MARCHF8: variants seen among roughly 807,000 people sequenced by gnomAD.
MARCHF8 encodes E3 ubiquitin-protein ligase MARCHF8.
In MARCHF8, 40 loss-of-function variants were observed where a neutral mutation model predicts 51.6. The ratio of observed to expected loss-of-function variants is 0.77; its 90% confidence interval spans 0.60 to 1.01. The LOEUF (loss-of-function observed/expected upper bound fraction) is 1.01. MARCHF8 is among the 50% of genes least tolerant of loss of function. MARCHF8 has a pLI of 0.00. For synonymous variants in MARCHF8, 263 were observed against 280.3 expected (o/e 0.94, Z 0.62); for missense variants, 685 against 708.6 (o/e 0.97, Z 0.38).
chr10:45,569,596 C>A (rs1305232372), intron 1 of MARCHF8, among the ~76,000 whole-genome samples: 2 of 152,042 alleles, frequency 1.3e-5, no homozygotes, highest in African/African-American at 4.8e-5. Flanking sequence ...CCTTGTTTTT[C>A]AAAGTATGAG....
At chr10:45,547,059 C>T (rs1161161248) in intron 1 of MARCHF8, among the ~76,000 whole-genome samples, 1 of 151,762 alleles carries the variant, frequency 6.6e-6, no homozygotes, top group African/African-American at 2.4e-5. Flanking sequence ...CTTGTCTCCC[C>T]ACCAAAAAAA....
intron 1 of MARCHF8, among the ~76,000 whole-genome samples, chr10:45,559,238 C>T (rs933159443): frequency 1.3e-5 from 2 of 152,278 alleles, no homozygotes; most frequent in East Asian, 1.9e-4. Context: ...GCAAACTATA[C>T]GGTGGTATGT....
chr10:45,534,340 T>C (rs2043941009), intron 1 of MARCHF8, among the ~76,000 whole-genome samples: 1 of 152,174 alleles, frequency 6.6e-6, no homozygotes, highest in Non-Finnish European at 1.5e-5. Context: ...CTAGGGAATA[T>C]GAAGGGTCAC....
At chr10:45,492,530 C>T (rs1007028838) in intron 2 of MARCHF8, among the ~76,000 whole-genome samples, 2 of 152,184 alleles carry the variant, frequency 1.3e-5, no homozygotes, top group Non-Finnish European at 2.9e-5. Context: ...ATCTCCTGAC[C>T]TCGTGATCTG....
upstream of MARCHF8, among the ~76,000 whole-genome samples, chr10:45,536,199 T>TG (rs1375567087): frequency 6.6e-6 from 1 of 152,114 alleles, no homozygotes; most frequent in Admixed American, 6.5e-5. Flanking sequence ...TACTGGAATA[T>TG]GAATAGATAT....
intron 2 of MARCHF8, among the ~76,000 whole-genome samples, chr10:45,503,747 G>C (rs2133156049): frequency 6.6e-6 from 1 of 151,996 alleles, no homozygotes; most frequent in South Asian, 2.1e-4. Context: ...TAAATGGAGA[G>C]ACAAAATGTG....
chr10:45,464,075 G>A (rs1005316888), intron 4 of MARCHF8, 79 bp from the exon 5 acceptor site: 2 of 1,500,934 alleles, frequency 1.3e-6, no homozygotes, highest in African/African-American at 2.8e-5. Flanking sequence ...GTGAAGAAAT[G>A]AGACTAGCAT....
intron 6 of MARCHF8, chr10:45,461,006 G>A (rs1842768095): frequency 2.6e-6 from 1 of 392,144 alleles, no homozygotes; most frequent in African/African-American, 2.1e-5. Context: ...GTCTTACTTT[G>A]AAGGGAAAAG....
chr10:45,459,384 G>A, intron 6 of MARCHF8, 117 bp from the exon 7 acceptor site: 1 of 1,163,728 alleles, frequency 8.6e-7, no homozygotes, highest in South Asian at 1.5e-5. Context: ...TCCCAAACTA[G>A]ATGCATTCCC....
intron 2 of MARCHF8, among the ~76,000 whole-genome samples, chr10:45,493,390 A>C (rs1407313311): frequency 6.6e-6 from 1 of 152,104 alleles, no homozygotes; most frequent in Admixed American, 6.6e-5. Flanking sequence ...ACCCCAGGAG[A>C]GATGGAAGCC....
intron 5 of MARCHF8, 189 bp from the exon 6 acceptor site, chr10:45,461,600 C>T (rs770883288): frequency 5.3e-4 from 219 of 415,936 alleles, no homozygotes; most frequent in Middle Eastern, 3.7e-3. Context: ...CTTACCGCAC[C>T]AACATGGAAA....
chr10:45,465,779 A>T (rs1842945380), intron 3 of MARCHF8, among the ~76,000 whole-genome samples: 1 of 152,256 alleles, frequency 6.6e-6, no homozygotes, highest in African/African-American at 2.4e-5. Flanking sequence ...CCATGAGCAC[A>T]TCTTCGAATT....
chr10:45,461,243 C>A lies in MARCHF8; in HGVS notation c.1257G>T (p.Lys419Asn). The stretch of plus-strand genomic sequence containing the variant: ...TCCTCCCACGTACTTTTCTCAGTGG[C>A]TTCAGCTTGGTCTCCATGATGAACT... Reference protein sequence around the residue: ...KYEFIMETKLKPLRKWEKLQM... With the variant: ...KYEFIMETKLNPLRKWEKLQM... Residue 419 changes from lysine (K) to asparagine (N), a missense_variant, in exon 6 of 8, where the codon AAG (lysine) becomes AAT (asparagine). Coordinates refer to ENST00000453424, the MANE Select transcript of MARCHF8 (RefSeq NM_001282866.2). 1 of 1,529,356 alleles carries A rather than the reference C, an allele frequency of 6.5e-7. No homozygotes were observed. Among genetic ancestry groups the A allele is most frequent in the Non-Finnish European group, 8.8e-7 (1 of 1,135,430 alleles). 94.7% of individuals were successfully genotyped at this position (1,529,356 alleles called of 1,614,324 possible). A position where few individuals can be genotyped will look rare whatever the true frequency, so the allele number is the denominator to read the frequency against.
At position 45,517,742 on chromosome 10, in the gene MARCHF8, A is replaced by C. The variant is rs187578567; in HGVS notation, c.102+15368T>G. Among the ~76,000 whole-genome samples, 584 of 152,272 alleles carry C rather than the reference A, an allele frequency of 3.8e-3. 2 individuals carry two copies. The highest frequency in any genetic ancestry group is 0.024 in the Middle Eastern group (7 of 294). On this transcript the variant is annotated intron_variant, in intron 2 of 7. Coordinates refer to ENST00000453424, the MANE Select transcript of MARCHF8 (RefSeq NM_001282866.2). ...AGGGCTTAGAACTGCTATAACTAAAACTTCACACAAAAAGACTCTGGAATA... is the reference window on the plus strand; with the variant it reads ...AGGGCTTAGAACTGCTATAACTAAACCTTCACACAAAAAGACTCTGGAATA...
intron 1 of MARCHF8, among the ~76,000 whole-genome samples, chr10:45,584,588 T>C (rs956179575): frequency 1.3e-5 from 2 of 152,114 alleles, no homozygotes; most frequent in African/African-American, 2.4e-5. Flanking sequence ...TTATATACAG[T>C]GGTAGTCAGA....
intron 1 of MARCHF8, among the ~76,000 whole-genome samples, chr10:45,558,652 C>T (rs1048468745): frequency 4.6e-5 from 7 of 152,176 alleles, no homozygotes; most frequent in Non-Finnish European, 8.8e-5. Context: ...TGGTGCCAGG[C>T]GCACGGTGGT....
Position 45,459,120 on chromosome 10 carries a change from C to T in MARCHF8, c.1417G>A (p.Gly473Arg). 1.2e-6 allele frequency: 2 copies of T among 1,613,992 alleles called. No homozygotes were observed. The highest frequency in any genetic ancestry group is 1.7e-5 in the Admixed American group (1 of 59,980). Reference protein sequence around the residue: ...AEEIKQGQATGILEWPFWTKL... With the variant: ...AEEIKQGQATRILEWPFWTKL... ...AGCTTGCTCCAGCCTGAGAACTCAC[C>T]TGTTGCCTGCCCCTGCTTGATCTCC... Residue 473 changes from glycine to arginine, a missense_variant and splice_region_variant, in exon 7 of 8, where the codon GGA (glycine) becomes AGA (arginine). Coordinates refer to ENST00000453424, the MANE Select transcript of MARCHF8 (RefSeq NM_001282866.2).
chr10:45,551,130 AAACTTC>A (rs2044189501), intron 1 of MARCHF8, among the ~76,000 whole-genome samples: 1 of 152,200 alleles, frequency 6.6e-6, no homozygotes, highest in Admixed American at 6.5e-5. Flanking sequence ...GACTCAGCTG[AAACTTC>A]CTCTCCTAGA....
chr10:45,513,998 A>G (rs1379458740), intron 2 of MARCHF8, among the ~76,000 whole-genome samples: 2 of 152,238 alleles, frequency 1.3e-5, no homozygotes, highest in Non-Finnish European at 2.9e-5. Flanking sequence ...TTTCAAAGCC[A>G]TAACTCCATA....
Sources: gnomAD v4.1 joint callset for allele counts (sites outside exome capture counted in the v4.1 genomes callset) on GRCh38, gnomAD v4.1.1 for gene constraint, MANE v1.5 for transcripts, NCBI Gene and HGNC (gene_info 2026-07-23, HGNC 2026-07-21) for gene names.